The following POLR2F variants were observed in gnomAD, a reference collection of about 807,000 sequenced individuals.
POLR2F encodes DNA-directed RNA polymerases I, II, and III subunit RPABC2.
In POLR2F, 12 loss-of-function variants were observed where a neutral mutation model predicts 22.7. That is an observed-to-expected ratio of 0.53 (90% CI 0.34 to 0.86). The LOEUF (loss-of-function observed/expected upper bound fraction) is 0.86, where lower values mean the gene tolerates loss of function less well. POLR2F is among the 40% of genes least tolerant of loss of function. The pLI is 0.02. For missense variants in POLR2F, 126 were observed against 171.5 expected (o/e 0.73, Z 1.48); for synonymous variants, 57 against 66.0 (o/e 0.86, Z 0.66).
chr22:38,032,580 T>G (rs1291868806), intron 5 of POLR2F: 3 of 152,288 alleles, frequency 2.0e-5, no homozygotes, highest in Non-Finnish European at 2.9e-5. Flanking sequence ...GGCCCAACAC[T>G]GGGCATGGGG....
intron 1 of POLR2F, among the ~76,000 whole-genome samples, chr22:38,011,044 A>G (rs765840011): frequency 1.3e-5 from 2 of 152,178 alleles, no homozygotes; most frequent in Non-Finnish European, 2.9e-5. Flanking sequence ...CCCAAATTCT[A>G]TCTCCTATAT....
downstream of POLR2F, among the ~76,000 whole-genome samples, chr22:38,028,536 G>A (rs5756883): frequency 4.3e-3 from 661 of 151,992 alleles, 33 homozygotes; most frequent in East Asian, 0.083. Flanking sequence ...GTGTGTGTGC[G>A]CATACGTGTG....
upstream of POLR2F, chr22:37,983,723 C>T (rs1458159398): frequency 1.3e-6 from 2 of 1,490,620 alleles, no homozygotes; most frequent in Non-Finnish European, 1.8e-6. This position sits in a 1 kb window ranked among gnomAD's most constrained non-coding sequence, Gnocchi z 9.5. Context: ...GGACAGGCAG[C>T]GGGGCTCCTC....
At chr22:38,019,181 G>A (rs772506673) in intron 1 of POLR2F, among the ~76,000 whole-genome samples, 4 of 152,068 alleles carry the variant, frequency 2.6e-5, no homozygotes, top group Non-Finnish European at 5.9e-5. Context: ...ATGGGGACTT[G>A]ACACATGTTT....
chr22:38,027,264 G>A (rs1356282282), downstream of POLR2F, among the ~76,000 whole-genome samples: 1 of 152,140 alleles, frequency 6.6e-6, no homozygotes, highest in Non-Finnish European at 1.5e-5. Flanking sequence ...GCTGGGTGAG[G>A]GGCACCTGTA....
chr22:37,973,588 G>A, downstream of POLR2F: 8 of 1,613,076 alleles, frequency 5.0e-6, no homozygotes, highest in Non-Finnish European at 6.8e-6. Context: ...AGATGGCCGT[G>A]TAGAGGGGCC....
chr22:37,967,438 T>A (rs1460150233), intron 4 of POLR2F, 187 bp from the exon 5 acceptor site: 1 of 1,434,138 alleles, frequency 7.0e-7, no homozygotes, highest in Non-Finnish European at 9.1e-7. Flanking sequence ...CTGTCATTCT[T>A]CCCCCTCTTG....
downstream of POLR2F, chr22:37,973,327 G>C: frequency 1.7e-6 from 1 of 585,538 alleles, no homozygotes; most frequent in Non-Finnish European, 3.0e-6. Context: ...TGGATGGGGC[G>C]GGTGGGTCAT....
chr22:38,027,033 A>T (rs1191574174), downstream of POLR2F, among the ~76,000 whole-genome samples: 1 of 152,082 alleles, frequency 6.6e-6, no homozygotes, highest in African/African-American at 2.4e-5. Flanking sequence ...CCGGGTGGCG[A>T]GGCTCACTGG....
chr22:37,983,296 G>C (rs1932457181), upstream of POLR2F: 1 of 1,547,220 alleles, frequency 6.5e-7, no homozygotes, highest in African/African-American at 1.4e-5. The surrounding 1 kb of genome is among the most constrained non-coding windows in gnomAD (Gnocchi z 9.5). Flanking sequence ...GGGCCGCCTC[G>C]GCTACCCTGA....
chr22:37,958,675 A>C (rs529028192), intron 2 of POLR2F, among the ~76,000 whole-genome samples: 1 of 152,264 alleles, frequency 6.6e-6, no homozygotes, highest in South Asian at 2.1e-4. Flanking sequence ...GGTGAGCTCA[A>C]GCCTCATCCC....
intron 1 of POLR2F, among the ~76,000 whole-genome samples, chr22:38,013,076 TC>T (rs2084885259): frequency 2.5e-4 from 5 of 19,928 alleles, no homozygotes; most frequent in Non-Finnish European, 4.2e-4. Flanking sequence ...AGTTATGACT[TC>T]CTTCCCTTCC....
rs1412877032 is a variant in POLR2F, at chr22:37,974,608, C to A, written c.293+7438C>A. 6.6e-6 allele frequency among the ~76,000 whole-genome samples: 1 copy of A among 152,178 alleles called. No homozygotes were observed. Among genetic ancestry groups the A allele is most frequent in the Non-Finnish European group, 1.5e-5 (1 of 68,030 alleles). ...CCTCAGGTGATCCACCTGCCTCGGC[C>A]TCCCAAAGTGCTGGGATTACCATCA... On this transcript the variant is annotated intron_variant, in intron 4 of 4. Transcript: ENST00000405557. This position sits in a 1 kb window ranked among gnomAD's most constrained non-coding sequence, Gnocchi z 5.4.
At chr22:37,959,742 G>A (rs1325901495) in intron 3 of POLR2F, among the ~76,000 whole-genome samples, 1 of 150,586 alleles carries the variant, frequency 6.6e-6, no homozygotes. Flanking sequence ...AGAACTAGAT[G>A]GTTGCGTGTC....
downstream of POLR2F, among the ~76,000 whole-genome samples, chr22:38,027,899 T>A (rs886892172): frequency 6.6e-6 from 1 of 152,118 alleles, no homozygotes; most frequent in African/African-American, 2.4e-5. Context: ...GGACATCAAA[T>A]GCATTTAATC....
At chr22:37,990,091 A>G (rs543370305) in intron 1 of POLR2F, among the ~76,000 whole-genome samples, 2 of 152,334 alleles carry the variant, frequency 1.3e-5, no homozygotes, top group South Asian at 4.1e-4. Flanking sequence ...GGCCATGCTC[A>G]GCCTCGGCTC....
upstream of POLR2F, among the ~76,000 whole-genome samples, chr22:37,981,673 T>C (rs1932400678): frequency 6.6e-6 from 1 of 152,116 alleles, no homozygotes; most frequent in African/African-American, 2.4e-5. Context: ...TATCTGTATG[T>C]CTCTCCTGGT....
intron 4 of POLR2F, among the ~76,000 whole-genome samples, chr22:37,976,320 T>G (rs1246871898): frequency 1.3e-5 from 2 of 152,216 alleles, no homozygotes; most frequent in South Asian, 4.1e-4. Flanking sequence ...CTCAGCCTCC[T>G]GTGTAGCTGG....
intron 2 of POLR2F, among the ~76,000 whole-genome samples, chr22:37,957,138 G>A (rs1931435429): frequency 6.6e-6 from 1 of 152,210 alleles, no homozygotes; most frequent in African/African-American, 2.4e-5. Context: ...TTTATTATAT[G>A]CCAGGTGCTT....
Sources: allele counts gnomAD v4.1 joint callset (sites outside exome capture counted in the v4.1 genomes callset), GRCh38; gene constraint gnomAD v4.1.1; non-coding constraint Gnocchi (gnomAD v3.1); transcripts MANE v1.5; gene names NCBI Gene and HGNC (gene_info 2026-07-23, HGNC 2026-07-21).